TASP1: variants seen among roughly 807,000 people sequenced by gnomAD.
TASP1 encodes threonine aspartase 1.
Under a neutral mutation model 56.6 loss-of-function variants are expected in TASP1, and 16 were observed. That is an observed-to-expected ratio of 0.28 (90% CI 0.19 to 0.43). The LOEUF is 0.43. Among genes scored for constraint, TASP1 ranks in the 20% least tolerant of loss-of-function variants. TASP1 has a pLI of 1.00. For synonymous variants in TASP1, 179 were observed against 184.2 expected, an observed-to-expected ratio of 0.97 and a Z score of 0.23; for missense variants, 393 against 511.6, an observed-to-expected ratio of 0.77 and a Z score of 2.24.
At chr20:13,596,110 C>T (rs1382148481) in intron 4 of TASP1, among the ~76,000 whole-genome samples, 2 of 152,146 alleles carry the variant, frequency 1.3e-5, no homozygotes, top group Non-Finnish European at 2.9e-5. Context: ...CAGTCGCTCA[C>T]GCCTGTAATC....
chr20:13,420,177 T>C lies in TASP1; in HGVS notation c.1097-2656A>G, dbSNP rs546412782. On this transcript the variant is annotated intron_variant, in intron 12 of 13. Transcript: ENST00000337743. ...ACCATGAGAGCAAAGGATAAAGACA[T>C]TACCCTTTATTTTTTAAATATCATT... Among the ~76,000 whole-genome samples the C allele has an allele frequency of 5.9e-5, 9 of 152,308 alleles. 1 individual carries two copies. The highest frequency in any genetic ancestry group is 2.6e-4 in the Admixed American group (4 of 15,304).
At chr20:13,164,793 C>G in the TASP1 span, 1 of 1,613,826 alleles carries the variant, frequency 6.2e-7, no homozygotes, top group Non-Finnish European at 8.5e-7. Flanking sequence ...TCTCTTGCAA[C>G]TGAAATATTC....
the TASP1 span, among the ~76,000 whole-genome samples, chr20:13,358,161 C>A: frequency 6.6e-6 from 1 of 152,222 alleles, no homozygotes; most frequent in Non-Finnish European, 1.5e-5. Flanking sequence ...AACAAACCCC[C>A]TTTGACTGTA....
chr20:13,386,468 C>A (rs1214643824), downstream of TASP1, among the ~76,000 whole-genome samples: 1 of 151,918 alleles, frequency 6.6e-6, no homozygotes, highest in Non-Finnish European at 1.5e-5. Flanking sequence ...AGCAGACTAC[C>A]TTTGTAATAA....
At chr20:13,260,362 T>G in the TASP1 span, among the ~76,000 whole-genome samples, 8 of 152,338 alleles carry the variant, frequency 5.3e-5, 1 homozygote, top group African/African-American at 1.9e-4. Flanking sequence ...TTTGAAAAAC[T>G]GGCAATGAAG....
At chr20:13,474,012 G>A (rs896695100) in intron 11 of TASP1, among the ~76,000 whole-genome samples, 5 of 152,156 alleles carry the variant, frequency 3.3e-5, no homozygotes, top group African/African-American at 1.2e-4. Context: ...GGGGTTGTAA[G>A]TTACAGGGAG....
intron 4 of TASP1, among the ~76,000 whole-genome samples, chr20:13,607,854 C>T (rs2048213272): frequency 6.6e-6 from 1 of 152,172 alleles, no homozygotes. Flanking sequence ...GTAATCTCAG[C>T]TACTCAGAAG....
At chr20:13,386,390 C>A (rs142981769), downstream of TASP1, among the ~76,000 whole-genome samples, 648 of 152,192 alleles carry the variant, frequency 4.3e-3, 5 homozygotes, top group African/African-American at 0.015. Flanking sequence ...GGATTATGAG[C>A]TAAATTTTTA....
At chr20:13,455,867 C>A (rs896782983) in intron 11 of TASP1, among the ~76,000 whole-genome samples, 1 of 152,122 alleles carries the variant, frequency 6.6e-6, no homozygotes, top group Non-Finnish European at 1.5e-5. Flanking sequence ...AAACTTTTCA[C>A]AAGGCAATAG....
chr20:13,392,960 T>C (rs2041348648), intron 13 of TASP1: 1 of 603,270 alleles, frequency 1.7e-6, no homozygotes, highest in African/African-American at 1.8e-5. Context: ...GAGTACATTA[T>C]GGAGCCCACC....
the TASP1 span, among the ~76,000 whole-genome samples, chr20:13,298,578 A>G: frequency 0.15 from 22,598 of 152,226 alleles, 2,159 homozygotes; most frequent in East Asian, 0.36. Flanking sequence ...TTTAAAAGAT[A>G]AAACAAATAT....
the TASP1 span, among the ~76,000 whole-genome samples, chr20:13,296,721 T>C: frequency 6.6e-6 from 1 of 152,084 alleles, no homozygotes; most frequent in East Asian, 1.9e-4. Flanking sequence ...CAAAGTTTGG[T>C]TAAGATGCAT....
At chr20:13,589,304 C>T (rs189602945) in intron 4 of TASP1, among the ~76,000 whole-genome samples, 4 of 152,092 alleles carry the variant, frequency 2.6e-5, no homozygotes, top group Admixed American at 6.6e-5. Context: ...GTGATCCACC[C>T]GCCTCAGCCT....
chr20:13,177,012 G>T, the TASP1 span, among the ~76,000 whole-genome samples: 1 of 152,178 alleles, frequency 6.6e-6, no homozygotes, highest in African/African-American at 2.4e-5. Context: ...GGCTGAGGCA[G>T]GTGAATCACT....
At chr20:13,503,932 G>GA (rs200487267) in intron 10 of TASP1, among the ~76,000 whole-genome samples, 4 of 148,298 alleles carry the variant, frequency 2.7e-5, no homozygotes, top group African/African-American at 5.0e-5. Context: ...CATCAGAGAA[G>GA]AAAAAAAAAT....
chr20:13,279,547 TC>T, the TASP1 span: 1 of 1,327,356 alleles, frequency 7.5e-7, no homozygotes, highest in Non-Finnish European at 1.0e-6. Context: ...ATCATTTCCC[TC>T]TGCCCTCTCA....
chr20:13,465,689 T>A (rs1437529173), intron 11 of TASP1, among the ~76,000 whole-genome samples: 1 of 152,108 alleles, frequency 6.6e-6, no homozygotes, highest in African/African-American at 2.4e-5. Flanking sequence ...CACCAAAACA[T>A]GGATGAATCT....
intron 10 of TASP1, among the ~76,000 whole-genome samples, chr20:13,501,250 C>T (rs1210605028): frequency 6.6e-6 from 1 of 151,782 alleles, no homozygotes; most frequent in African/African-American, 2.4e-5. Flanking sequence ...GAAAACAATA[C>T]CAGAGAGAAC....
the TASP1 span, among the ~76,000 whole-genome samples, chr20:13,277,572 A>G: frequency 1.3e-5 from 2 of 151,372 alleles, no homozygotes; most frequent in Non-Finnish European, 2.9e-5. Flanking sequence ...CTCTCCCACG[A>G]CCATTCATTC....
Sources: allele counts gnomAD v4.1 joint callset (sites outside exome capture counted in the v4.1 genomes callset), GRCh38; gene constraint gnomAD v4.1.1; transcripts MANE v1.5; gene names NCBI Gene and HGNC (gene_info 2026-07-23, HGNC 2026-07-21).